Variants in ZEB2 observed in about 807,000 individuals in gnomAD.
The protein encoded by ZEB2 is zinc finger E-box-binding homeobox 2.
Under a neutral mutation model 99.9 loss-of-function variants are expected in ZEB2, and 6 were observed. That is an observed-to-expected ratio of 0.06 (90% CI 0.03 to 0.12). The LOEUF is 0.12. ZEB2 is among the 10% of genes least tolerant of loss of function. The pLI, the probability that ZEB2 is intolerant of heterozygous loss-of-function variation, is 1.00. For synonymous variants in ZEB2, 517 were observed against 542.5 expected (o/e 0.95, Z 0.65); for missense variants, 969 against 1,502.8 (o/e 0.64, Z 5.87).
At chr2:144,495,403 T>C (rs970797441) in intron 2 of ZEB2, 1 of 152,224 alleles carries the variant, frequency 6.6e-6, no homozygotes, top group Non-Finnish European at 1.5e-5. Flanking sequence ...AAGATTCTGC[T>C]TCTACTACAT....
At chr2:144,434,284 A>G (rs1460814917) in intron 2 of ZEB2, among the ~76,000 whole-genome samples, 1 of 152,200 alleles carries the variant, frequency 6.6e-6, no homozygotes, top group Non-Finnish European at 1.5e-5. Flanking sequence ...CCATCATCAA[A>G]CATTTATTAA....
chr2:144,415,627 A>T (rs909132221), intron 4 of ZEB2, among the ~76,000 whole-genome samples: 2 of 151,820 alleles, frequency 1.3e-5, no homozygotes, highest in Admixed American at 6.6e-5. Flanking sequence ...GGGTCAACAA[A>T]CTCCTTAATT....
Position 144,512,453 on chromosome 2 carries a change from G to A in ZEB2, c.73+4825C>T, listed in dbSNP as rs766541138. The A allele has an allele frequency of 1.0e-5, 13 of 1,287,150 alleles. No homozygotes were observed. In the South Asian group the frequency reaches 1.6e-4, roughly 16 times the overall value. 79.7% of individuals were successfully genotyped at this position (1,287,150 alleles called of 1,614,324 possible). ...GGAAATATTCTTAATATGGCATCAA[G>A]GTCTTTAATAACCTCTTGGAATTTT... is the stretch of plus-strand genomic sequence containing the variant. On this transcript the variant is annotated intron_variant, in intron 2 of 9. Coordinates refer to ENST00000627532, the MANE Select transcript of ZEB2 (RefSeq NM_014795.4).
chr2:144,398,179 G>A, intron 8 of ZEB2, 122 bp downstream of exon 8: 3 of 1,331,198 alleles, frequency 2.3e-6, no homozygotes, highest in Non-Finnish European at 3.1e-6. Flanking sequence ...TTAGGTTCAT[G>A]TTAAAGCAAA....
chr2:144,426,258 C>T (rs1703689349), intron 3 of ZEB2, among the ~76,000 whole-genome samples: 1 of 152,088 alleles, frequency 6.6e-6, no homozygotes, highest in Admixed American at 6.5e-5. Flanking sequence ...TAATATATAG[C>T]AATATTGTAT....
At chr2:144,473,110 C>CA (rs1704381387) in intron 2 of ZEB2, among the ~76,000 whole-genome samples, 1 of 152,118 alleles carries the variant, frequency 6.6e-6, no homozygotes, top group South Asian at 2.1e-4. Flanking sequence ...AGACTAAGAC[C>CA]ACAACTATGA....
rs544335373 is a variant in ZEB2, at chr2:144,517,650, A to T, written c.-69-231T>A. On this transcript the variant is annotated intron_variant, in intron 1 of 9. Coordinates refer to ENST00000627532, the MANE Select transcript of ZEB2 (RefSeq NM_014795.4). ...GCACCCGCGAGGGGATCAGAGAGAC[A>T]AGAATTACATCTTCAAAATGAGTCA... 179 of 693,876 alleles carry T rather than the reference A, an allele frequency of 2.6e-4. 1 individual carries two copies. In the African/African-American group the frequency reaches 2.6e-3, roughly 10 times the overall value. The allele number at this position is 693,876 out of a possible 1,614,324, so 43.0% of individuals were successfully genotyped here.
At chr2:144,478,338 A>C (rs1170258514) in intron 2 of ZEB2, among the ~76,000 whole-genome samples, 2 of 152,244 alleles carry the variant, frequency 1.3e-5, no homozygotes, top group Non-Finnish European at 2.9e-5. Flanking sequence ...ACTAAAATGC[A>C]GTTCCGATTA....
intron 2 of ZEB2, among the ~76,000 whole-genome samples, chr2:144,506,653 T>C (rs1704954685): frequency 1.3e-5 from 2 of 152,192 alleles, no homozygotes; most frequent in South Asian, 4.1e-4. Flanking sequence ...TATATTACAT[T>C]TATAGATCAC....
intron 2 of ZEB2, chr2:144,513,518 T>G: frequency 6.5e-7 from 1 of 1,528,246 alleles, no homozygotes; most frequent in Non-Finnish European, 8.7e-7. Flanking sequence ...GACAACTTCA[T>G]TTCTTTCTCT....
chr2:144,441,510 C>G (rs563668379), intron 2 of ZEB2, among the ~76,000 whole-genome samples: 1 of 134,898 alleles, frequency 7.4e-6, no homozygotes, highest in Admixed American at 7.8e-5. Context: ...ACAGGTTACA[C>G]AAGTTAAACA....
chr2:144,426,036 T>A (rs972641326), intron 3 of ZEB2, among the ~76,000 whole-genome samples: 1 of 152,130 alleles, frequency 6.6e-6, no homozygotes, highest in Non-Finnish European at 1.5e-5. Context: ...AATCTCTTTA[T>A]GGAATCAGAA....
intron 2 of ZEB2, among the ~76,000 whole-genome samples, chr2:144,446,939 C>T (rs1703993151): frequency 1.3e-5 from 2 of 151,384 alleles, no homozygotes; most frequent in South Asian, 4.2e-4. Flanking sequence ...TTGCTTGAAC[C>T]CAAGAGATGG....
chr2:144,457,016 G>A (rs1350887734), intron 2 of ZEB2, among the ~76,000 whole-genome samples: 1 of 152,054 alleles, frequency 6.6e-6, no homozygotes, highest in East Asian at 1.9e-4. Context: ...ACCCCCCAAA[G>A]GTCTGCATGT....
chr2:144,481,847 T>A (rs933414684), intron 2 of ZEB2, among the ~76,000 whole-genome samples: 1 of 152,214 alleles, frequency 6.6e-6, no homozygotes, highest in Non-Finnish European at 1.5e-5. Context: ...CTATAGTGCG[T>A]CACCCTTCAG....
intron 9 of ZEB2, among the ~76,000 whole-genome samples, chr2:144,395,611 G>C (rs984203651): frequency 2.0e-5 from 3 of 152,136 alleles, no homozygotes; most frequent in Middle Eastern, 3.2e-3. Flanking sequence ...TATTGTTCAG[G>C]GAGGTGGGGA....
At chr2:144,507,690 A>G (rs1449873339) in intron 2 of ZEB2, among the ~76,000 whole-genome samples, 3 of 152,182 alleles carry the variant, frequency 2.0e-5, no homozygotes, top group Non-Finnish European at 4.4e-5. Context: ...ATCAGCTCTC[A>G]TAGTTTCTTG....
rs1219403409 is a variant in ZEB2, at chr2:144,512,580, GGAAGACGT to G, written c.73+4690_73+4697del. The stretch of plus-strand genomic sequence containing the variant: ...TTTACCCTATTTGAAAACAAATGGT[GGAAGACGT>G]GAATTTATTTGTATCTGGTAACAGA... On this transcript the variant is annotated intron_variant, in intron 2 of 9. Coordinates refer to ENST00000627532, the MANE Select transcript of ZEB2 (RefSeq NM_014795.4). 4 of 1,287,242 alleles carry G rather than the reference GGAAGACGT, an allele frequency of 3.1e-6. No homozygotes were observed. The South Asian group carries it at 4.9e-5, about 16-fold the overall frequency. 79.7% of individuals were successfully genotyped at this position (1,287,242 alleles called of 1,614,324 possible).
intron 4 of ZEB2, chr2:144,424,481 AT>A: frequency 1.8e-6 from 1 of 555,774 alleles, no homozygotes; most frequent in Non-Finnish European, 3.4e-6. Flanking sequence ...TTTTAAAATA[AT>A]TTTTTGCAGT....
Sources: gnomAD v4.1 joint callset for allele counts (sites outside exome capture counted in the v4.1 genomes callset) on GRCh38, gnomAD v4.1.1 for gene constraint, MANE v1.5 for transcripts, NCBI Gene and HGNC (gene_info 2026-07-23, HGNC 2026-07-21) for gene names.